The following SLC39A11 variants were observed in gnomAD, a reference collection of about 807,000 sequenced individuals.
SLC39A11 encodes the protein solute carrier family 39 member 11.
SLC39A11 carries 33 observed loss-of-function variants against 36.1 expected under a neutral mutation model. The ratio of observed to expected loss-of-function variants is 0.91; its 90% CI spans 0.69 to 1.22. The LOEUF is 1.22. Ranked by LOEUF, SLC39A11 falls within the 50% of genes most tolerant of loss-of-function variation. SLC39A11 has a pLI of 0.00. For missense variants in SLC39A11, 432 were observed against 430.3 expected (o/e 1.00, Z -0.03); for synonymous variants, 166 against 170.3 (o/e 0.97, Z 0.20).
intron 6 of SLC39A11, among the ~76,000 whole-genome samples, chr17:72,847,403 TAAAA>T (rs5821924): frequency 0.027 from 3,770 of 141,398 alleles, 139 homozygotes; most frequent in African/African-American, 0.087. Context: ...CTCTGTCTCA[TAAAA>T]AAAAAAAAAA....
chr17:72,764,274 G>GAGCT (rs1195006418), intron 6 of SLC39A11, among the ~76,000 whole-genome samples: 2 of 152,128 alleles, frequency 1.3e-5, no homozygotes, highest in Non-Finnish European at 2.9e-5. Context: ...GGGGCTCAGG[G>GAGCT]AGCTGTGTGC....
intron 6 of SLC39A11, among the ~76,000 whole-genome samples, chr17:72,783,899 G>A (rs2076409111): frequency 6.6e-6 from 1 of 152,152 alleles, no homozygotes; most frequent in African/African-American, 2.4e-5. Context: ...GAATTTTCAG[G>A]AGCCAGGGCA....
At chr17:73,078,535 G>A (rs1174094466) in intron 3 of SLC39A11, among the ~76,000 whole-genome samples, 2 of 150,732 alleles carry the variant, frequency 1.3e-5, no homozygotes, top group Admixed American at 6.6e-5. Flanking sequence ...TGCCCAGGCT[G>A]GAGTGCAATG....
chr17:73,061,857 G>A (rs2059849726), intron 3 of SLC39A11, among the ~76,000 whole-genome samples: 1 of 152,054 alleles, frequency 6.6e-6, no homozygotes, highest in Non-Finnish European at 1.5e-5. Flanking sequence ...TTAGCCGGGT[G>A]TAGTGGCCCA....
At chr17:72,804,904 C>T (rs1568121228) in intron 6 of SLC39A11, among the ~76,000 whole-genome samples, 1 of 152,032 alleles carries the variant, frequency 6.6e-6, no homozygotes, top group African/African-American at 2.4e-5. Flanking sequence ...CCTTTAATCC[C>T]ATTCGGGAGG....
At chr17:73,012,202 G>A (rs1311791262) in intron 4 of SLC39A11, among the ~76,000 whole-genome samples, 3 of 151,858 alleles carry the variant, frequency 2.0e-5, no homozygotes, top group Non-Finnish European at 2.9e-5. Context: ...CTTGAACCCG[G>A]GAAGCAGACG....
At chr17:72,770,907 C>T (rs2075910213) in intron 6 of SLC39A11, among the ~76,000 whole-genome samples, 1 of 152,202 alleles carries the variant, frequency 6.6e-6, no homozygotes, top group East Asian at 1.9e-4. Flanking sequence ...CTGAGGCAGG[C>T]AGGCAGGCCT....
intron 6 of SLC39A11, among the ~76,000 whole-genome samples, chr17:72,798,131 G>C (rs531341776): frequency 5.0e-4 from 76 of 152,222 alleles, no homozygotes; most frequent in African/African-American, 1.8e-3. Flanking sequence ...TGGTGGGGAG[G>C]AGAGGAGGCA....
intron 7 of SLC39A11, among the ~76,000 whole-genome samples, chr17:72,662,637 G>GAGAAAGAAAGAA (rs1202737032): frequency 2.6e-5 from 3 of 115,590 alleles, no homozygotes; most frequent in Admixed American, 2.1e-4. Flanking sequence ...AGAAGAAAGA[G>GAGAAAGAAAGAA]AGAAAGAAAA....
chr17:73,077,047 G>A (rs905381783), intron 3 of SLC39A11, among the ~76,000 whole-genome samples: 9 of 151,982 alleles, frequency 5.9e-5, no homozygotes, highest in African/African-American at 1.2e-4. Flanking sequence ...ATTGCCCTCG[G>A]TTAAGAGTTA....
chr17:72,775,734 C>T (rs970545022), intron 6 of SLC39A11, among the ~76,000 whole-genome samples: 2 of 152,172 alleles, frequency 1.3e-5, no homozygotes, highest in Non-Finnish European at 2.9e-5. Flanking sequence ...AGGCATGTTT[C>T]CTGCTCTACC....
chr17:72,719,746 T>A lies in SLC39A11; in HGVS notation c.671+16904A>T, dbSNP rs1281565144. Among the ~76,000 whole-genome samples, 3 of 152,136 alleles carry A rather than the reference T, an allele frequency of 2.0e-5. No homozygotes were observed. In the East Asian group the frequency reaches 5.8e-4, roughly 29 times the overall value. On this transcript the variant is annotated intron_variant, in intron 7 of 9. Transcript: ENST00000255559. ...AGGTCTGCTCCAGGCTAACAGAGTA[T>A]ACGTTGTGCAGAGATAGCTTCCTGT...
intron 7 of SLC39A11, among the ~76,000 whole-genome samples, chr17:72,714,451 C>T (rs534360205): frequency 6.6e-6 from 1 of 152,218 alleles, no homozygotes; most frequent in South Asian, 2.1e-4. Flanking sequence ...CAGGCTAATA[C>T]TGTTCAATAA....
intron 4 of SLC39A11, among the ~76,000 whole-genome samples, chr17:73,029,650 C>A (rs1020706511): frequency 6.6e-6 from 1 of 151,798 alleles, no homozygotes; most frequent in Non-Finnish European, 1.5e-5. Flanking sequence ...GGCACCATCT[C>A]GGCTCACTGC....
chr17:72,962,445 TAAG>T (rs994528697), intron 4 of SLC39A11, among the ~76,000 whole-genome samples: 4 of 152,198 alleles, frequency 2.6e-5, no homozygotes, highest in African/African-American at 9.6e-5. Flanking sequence ...TTCTTGCAAC[TAAG>T]AAGGATTCAG....
intron 6 of SLC39A11, among the ~76,000 whole-genome samples, chr17:72,782,194 C>A (rs2144890866): frequency 6.6e-6 from 1 of 152,210 alleles, no homozygotes; most frequent in Admixed American, 6.5e-5. Context: ...AATCTCAGGA[C>A]AGAGGCAGAG....
chr17:72,781,908 T>A (rs1249578102), intron 6 of SLC39A11, among the ~76,000 whole-genome samples: 2 of 151,454 alleles, frequency 1.3e-5, no homozygotes, highest in African/African-American at 4.9e-5. Flanking sequence ...AAAAATTCTA[T>A]TTATAAAAGG....
intron 5 of SLC39A11, among the ~76,000 whole-genome samples, chr17:72,933,598 C>T (rs1260823214): frequency 6.6e-6 from 1 of 152,182 alleles, no homozygotes; most frequent in Non-Finnish European, 1.5e-5. Context: ...CTGCTCACTG[C>T]AACCTCCGCC....
chr17:72,665,822 T>C (rs750877764), intron 7 of SLC39A11, among the ~76,000 whole-genome samples: 2 of 152,230 alleles, frequency 1.3e-5, no homozygotes, highest in Non-Finnish European at 2.9e-5. Context: ...CTCTTCCTTT[T>C]GATAGCATTT....
Sources: gnomAD v4.1 joint callset for allele counts (sites outside exome capture counted in the v4.1 genomes callset) on GRCh38, gnomAD v4.1.1 for gene constraint, MANE v1.5 for transcripts, NCBI Gene and HGNC (gene_info 2026-07-23, HGNC 2026-07-21) for gene names.